NEGR1: variants seen among roughly 807,000 people sequenced by gnomAD.
NEGR1 encodes the protein neuronal growth regulator 1.
In NEGR1, 10 loss-of-function variants were observed where a neutral mutation model predicts 40.9. That is an observed-to-expected ratio of 0.24 (90% CI 0.15 to 0.42). The LOEUF (loss-of-function observed/expected upper bound fraction) is 0.42, where lower values mean the gene tolerates loss of function less well. Ranked by LOEUF, NEGR1 falls within the 10% of genes least tolerant of loss-of-function variation. The pLI is 1.00. For synonymous variants in NEGR1, 185 were observed against 166.8 expected (o/e 1.11, Z -0.84); for missense variants, 352 against 438.9 (o/e 0.80, Z 1.77).
chr1:71,532,829 A>T (rs1647396375), intron 6 of NEGR1, among the ~76,000 whole-genome samples: 1 of 151,616 alleles, frequency 6.6e-6, no homozygotes, highest in South Asian at 2.1e-4. Flanking sequence ...ATGGAAAAGT[A>T]CCCAGACATA....
chr1:71,598,654 A>T (rs1649820035), intron 5 of NEGR1, among the ~76,000 whole-genome samples: 1 of 152,208 alleles, frequency 6.6e-6, no homozygotes, highest in South Asian at 2.1e-4. Flanking sequence ...AAATATTTGG[A>T]TGGAAGAAAG....
At chr1:72,086,282 C>A (rs188261075) in intron 1 of NEGR1, among the ~76,000 whole-genome samples, 1 of 152,244 alleles carries the variant, frequency 6.6e-6, no homozygotes, top group African/African-American at 2.4e-5. Flanking sequence ...TGTGGATGAG[C>A]ACAAGACAGA....
intron 1 of NEGR1, among the ~76,000 whole-genome samples, chr1:72,076,478 C>G (rs556222937): frequency 6.6e-6 from 1 of 152,174 alleles, no homozygotes; most frequent in South Asian, 2.1e-4. Context: ...ACAGCTTGAA[C>G]AGAGTACAAC....
At chr1:71,910,171 C>T (rs765621873) in intron 2 of NEGR1, among the ~76,000 whole-genome samples, 2 of 152,056 alleles carry the variant, frequency 1.3e-5, no homozygotes, top group African/African-American at 4.8e-5. Context: ...TAACGAACAC[C>T]TATTAGAGGC....
chr1:71,525,010 A>G (rs1647199573), intron 6 of NEGR1, among the ~76,000 whole-genome samples: 1 of 151,722 alleles, frequency 6.6e-6, no homozygotes, highest in South Asian at 2.1e-4. Flanking sequence ...AGGGAGACCC[A>G]TTTTGGACTT....
At chr1:71,417,867 C>G (rs1184488211) in intron 6 of NEGR1, among the ~76,000 whole-genome samples, 1 of 152,120 alleles carries the variant, frequency 6.6e-6, no homozygotes, top group Non-Finnish European at 1.5e-5. Flanking sequence ...AAGAAATGTT[C>G]AGTTGTTGGC....
intron 3 of NEGR1, among the ~76,000 whole-genome samples, chr1:71,765,015 G>A (rs1254251054): frequency 1.3e-5 from 2 of 151,730 alleles, no homozygotes; most frequent in Admixed American, 6.6e-5. Context: ...ATTTCCCAAA[G>A]CCAAACTTGC....
chr1:71,970,578 G>A (rs577397127), intron 1 of NEGR1, among the ~76,000 whole-genome samples: 1 of 152,102 alleles, frequency 6.6e-6, no homozygotes, highest in Admixed American at 6.5e-5. Flanking sequence ...TGTAGATCCA[G>A]CTCCTCCTTG....
intron 1 of NEGR1, among the ~76,000 whole-genome samples, chr1:72,211,072 G>GA (rs996034875): frequency 2.0e-5 from 3 of 151,800 alleles, no homozygotes; most frequent in Middle Eastern, 3.4e-3. Context: ...GTTTTAAAAA[G>GA]AATATTCACA....
At chr1:71,760,163 A>T (rs1407084308) in intron 3 of NEGR1, among the ~76,000 whole-genome samples, 2 of 152,238 alleles carry the variant, frequency 1.3e-5, no homozygotes, top group East Asian at 3.9e-4. Flanking sequence ...ATAAGAAAAA[A>T]AATCTTTTAT....
intron 1 of NEGR1, among the ~76,000 whole-genome samples, chr1:71,979,884 T>C (rs938444662): frequency 6.6e-6 from 1 of 152,164 alleles, no homozygotes; most frequent in African/African-American, 2.4e-5. Context: ...CTCCACCTTA[T>C]GCAACCAGAG....
intron 1 of NEGR1, among the ~76,000 whole-genome samples, chr1:72,027,588 C>A (rs1208103077): frequency 6.6e-6 from 1 of 151,984 alleles, no homozygotes; most frequent in Non-Finnish European, 1.5e-5. Context: ...TCTGCCAGAA[C>A]GACATAATTT....
At chr1:71,688,419 G>GATATATATAAAAT (rs1557613892) in intron 4 of NEGR1, among the ~76,000 whole-genome samples, 1 of 4,942 alleles carries the variant, frequency 2.0e-4, no homozygotes, top group Non-Finnish European at 4.5e-4. Context: ...ATATATAAAA[G>GATATATATAAAAT]ATATATATAT....
chr1:72,085,427 G>T (rs1009495422), intron 1 of NEGR1, among the ~76,000 whole-genome samples: 3 of 152,128 alleles, frequency 2.0e-5, no homozygotes, highest in Non-Finnish European at 4.4e-5. Flanking sequence ...AGTCTGCTTA[G>T]TTTGTAGTTT....
chr1:71,536,638 G>A (rs951549166), intron 6 of NEGR1, among the ~76,000 whole-genome samples: 1 of 151,656 alleles, frequency 6.6e-6, no homozygotes, highest in African/African-American at 2.4e-5. Context: ...GAGTCATACT[G>A]GTTGCTAGAA....
At chr1:71,779,306 G>A (rs547306820) in intron 2 of NEGR1, among the ~76,000 whole-genome samples, 2 of 152,146 alleles carry the variant, frequency 1.3e-5, no homozygotes, top group Non-Finnish European at 2.9e-5. Flanking sequence ...CAAAGGAAAT[G>A]CAAAAGTTTA....
At chr1:71,778,301 T>G (rs886366297) in intron 2 of NEGR1, among the ~76,000 whole-genome samples, 3 of 152,062 alleles carry the variant, frequency 2.0e-5, no homozygotes, top group Non-Finnish European at 4.4e-5. Context: ...AAAGCACATT[T>G]TGAGTACCCA....
chr1:72,090,941 T>C (rs1421872338), intron 1 of NEGR1, among the ~76,000 whole-genome samples: 2 of 152,194 alleles, frequency 1.3e-5, no homozygotes, highest in Non-Finnish European at 2.9e-5. Context: ...AGGGTTCTTT[T>C]TGGGGGTACT....
At chr1:71,638,786 C>T (rs1651250205) in intron 4 of NEGR1, among the ~76,000 whole-genome samples, 2 of 151,882 alleles carry the variant, frequency 1.3e-5, no homozygotes, top group South Asian at 4.1e-4. Context: ...ACTGTGGCAT[C>T]TCCCATAAGG....
Sources: gnomAD v4.1 joint callset for allele counts (sites outside exome capture counted in the v4.1 genomes callset) on GRCh38, gnomAD v4.1.1 for gene constraint, MANE v1.5 for transcripts, NCBI Gene and HGNC (gene_info 2026-07-23, HGNC 2026-07-21) for gene names.